Variants in CACHD1 observed in about 807,000 individuals in gnomAD.
The protein encoded by CACHD1 is VWFA and cache domain-containing protein 1.
A neutral mutation model predicts 138.7 loss-of-function variants in CACHD1; 71 were observed. The observed-to-expected ratio is 0.51, with a 90% CI of 0.42 to 0.62. CACHD1 has a LOEUF of 0.62. Ranked by LOEUF, CACHD1 falls within the 20% of genes least tolerant of loss-of-function variation. CACHD1 has a pLI of 0.00. For missense variants in CACHD1, 1,389 were observed against 1,625.3 expected, an observed-to-expected ratio of 0.85 and a Z score of 2.50; for synonymous variants, 578 against 591.5, an observed-to-expected ratio of 0.98 and a Z score of 0.33.
chr1:64,685,015 G>T (rs779415451), intron 26 of CACHD1, among the ~76,000 whole-genome samples: 8 of 152,068 alleles, frequency 5.3e-5, no homozygotes, highest in Non-Finnish European at 1.0e-4. Context: ...TTCCATGTTG[G>T]TCAGGCTGGT....
intron 1 of CACHD1, among the ~76,000 whole-genome samples, chr1:64,486,769 C>T (rs57712220): frequency 0.065 from 9,899 of 152,196 alleles, 835 homozygotes; most frequent in African/African-American, 0.2. Flanking sequence ...TGGGAGCACA[C>T]TGATGGATAG....
chr1:64,674,225 T>A (rs1453871341), intron 19 of CACHD1, among the ~76,000 whole-genome samples: 1 of 152,174 alleles, frequency 6.6e-6, no homozygotes, highest in African/African-American at 2.4e-5. Flanking sequence ...AAAAGAGTAG[T>A]TTAAAACATG....
chr1:64,616,950 A>G (rs1647730001), intron 4 of CACHD1, among the ~76,000 whole-genome samples: 2 of 152,046 alleles, frequency 1.3e-5, no homozygotes, highest in Admixed American at 1.3e-4. Context: ...GATTACTGAT[A>G]ACTTAGGATA....
chr1:64,628,211 A>G (rs1648179666), intron 4 of CACHD1, among the ~76,000 whole-genome samples: 1 of 152,342 alleles, frequency 6.6e-6, no homozygotes, highest in Admixed American at 6.5e-5. Flanking sequence ...ATGGGTGTTT[A>G]AAGCTTAATG....
chr1:64,492,847 G>C (rs918564277), intron 1 of CACHD1, among the ~76,000 whole-genome samples: 1 of 152,216 alleles, frequency 6.6e-6, no homozygotes, highest in African/African-American at 2.4e-5. Flanking sequence ...ATTCAGCTCT[G>C]ACATAGCCTT....
chr1:64,576,935 A>G (rs537683135), intron 2 of CACHD1, among the ~76,000 whole-genome samples: 6 of 151,080 alleles, frequency 4.0e-5, no homozygotes, highest in Non-Finnish European at 7.4e-5. Flanking sequence ...TCTTTATAAC[A>G]AATTTGATCA....
intron 2 of CACHD1, among the ~76,000 whole-genome samples, chr1:64,561,914 T>C (rs1646843173): frequency 1.0e-5 from 1 of 96,616 alleles, no homozygotes; most frequent in Admixed American, 1.3e-4. Context: ...ATATTTTTGC[T>C]TTAGATAGAA....
At chr1:64,533,212 CG>C (rs1307427261) in intron 1 of CACHD1, among the ~76,000 whole-genome samples, 1 of 152,100 alleles carries the variant, frequency 6.6e-6, no homozygotes, top group Non-Finnish European at 1.5e-5. Flanking sequence ...AGAAATTAGC[CG>C]GGCGTGGTGG....
rs777014198 is a variant in CACHD1 at position 64,663,735 on chromosome 1, C to G, written c.1992C>G (p.Ser664=). ...TGCTGTCTGCTGGCAGCTTTTCCTC[C>G]CCCTATGAGCACCTCAGCCAGCCAG... ...TIMLSAGSFS[S]PYEHLSQPET... The change falls in exon 14 of 27, where the codon TCC becomes TCG. Residue 664 remains serine, a synonymous_variant. Coordinates refer to ENST00000651257, the MANE Select transcript of CACHD1 (RefSeq NM_020925.4). 1.2e-5 allele frequency: 20 copies of G among 1,613,928 alleles called. No homozygotes were observed. In the Admixed American group the frequency reaches 2.8e-4, roughly 23 times the overall value.
intron 2 of CACHD1, among the ~76,000 whole-genome samples, chr1:64,580,849 A>T (rs1469624360): frequency 6.6e-6 from 1 of 152,162 alleles, no homozygotes; most frequent in Non-Finnish European, 1.5e-5. Context: ...AGGGTGGCAA[A>T]ACCAACAGTT....
intron 19 of CACHD1, 65 bp downstream of exon 19, chr1:64,673,529 C>G: frequency 8.0e-7 from 1 of 1,243,528 alleles, no homozygotes; most frequent in Middle Eastern, 1.9e-4. Flanking sequence ...GAATTGGAAT[C>G]ATGGCTAGTG....
chr1:64,594,289 G>A (rs1036646131), intron 3 of CACHD1, among the ~76,000 whole-genome samples: 1 of 151,880 alleles, frequency 6.6e-6, no homozygotes, highest in Non-Finnish European at 1.5e-5. Context: ...GTTATGGCAG[G>A]ACTTACTGGA....
At chr1:64,682,899 CT>C (rs34723423) in intron 26 of CACHD1, among the ~76,000 whole-genome samples, 74,471 of 147,216 alleles carry the variant, frequency 0.51, 22,610 homozygotes, top group African/African-American at 0.85. Context: ...ATTGTAAAAT[CT>C]TTTTTTTTTT....
intron 24 of CACHD1, among the ~76,000 whole-genome samples, chr1:64,680,154 AGT>A (rs1174967272): frequency 6.6e-6 from 1 of 152,222 alleles, no homozygotes; most frequent in African/African-American, 2.4e-5. Context: ...GCCATTATGT[AGT>A]GTGAATAAAC....
Position 64,537,696 on chromosome 1 carries a change from T to C in CACHD1, c.199-12898T>C, listed in dbSNP as rs307335. 8.3e-3 allele frequency among the ~76,000 whole-genome samples: 1,264 copies of C among 152,358 alleles called. 18 individuals are homozygous for C. The highest frequency in any genetic ancestry group is 0.029 in the African/African-American group (1,198 of 41,588). On this transcript the variant is annotated intron_variant, in intron 1 of 26. Transcript: ENST00000651257. Reference sequence around the variant, plus strand: ...ACCCAGGTAGTCCCAAATGACATTATTTCTATGAATACATGTTCTTTTTGA... The same window carrying C: ...ACCCAGGTAGTCCCAAATGACATTACTTCTATGAATACATGTTCTTTTTGA...
At position 64,671,700 on chromosome 1, in the gene CACHD1, G is replaced by T. The variant is rs1348103588; in HGVS notation, c.2510+14G>T. Reference sequence around the variant, plus strand: ...CAACAAAATAAGGTAAGTGCTTTGGGGATGCTATTTCCTTTCTAGCTGCAG... The same window carrying T: ...CAACAAAATAAGGTAAGTGCTTTGGTGATGCTATTTCCTTTCTAGCTGCAG... On this transcript the variant is annotated intron_variant, in intron 17 of 26. Coordinates refer to ENST00000651257, the MANE Select transcript of CACHD1 (RefSeq NM_020925.4). The T allele has an allele frequency of 2.5e-6, 4 of 1,613,774 alleles. No individual in the cohort carries two copies. In the South Asian group the frequency reaches 3.3e-5, roughly 13 times the overall value.
intron 1 of CACHD1, among the ~76,000 whole-genome samples, chr1:64,523,963 A>ATTGT (rs1256378213): frequency 1.3e-5 from 2 of 152,000 alleles, no homozygotes; most frequent in African/African-American, 4.8e-5. Context: ...CTTGCATAGA[A>ATTGT]TTGTTATAGC....
chr1:64,478,741 G>C (rs1411820026), intron 1 of CACHD1, among the ~76,000 whole-genome samples: 1 of 152,112 alleles, frequency 6.6e-6, no homozygotes, highest in Non-Finnish European at 1.5e-5. Flanking sequence ...GTTTCTAGAG[G>C]TCAGTTCAAC....
rs1439666300 is a variant in CACHD1, at chr1:64,470,371, C to T, written c.-374C>T. 6.6e-6 allele frequency among the ~76,000 whole-genome samples: 1 copy of T among 151,704 alleles called. No individual in the cohort carries two copies. Among genetic ancestry groups the T allele is most frequent in the East Asian group, 2.0e-4 (1 of 5,066 alleles). ...CGCAGGAAGCGAGAGCCGCGCGGCT[C>T]GGCTCGGGCTCCGACTCCGACTCCG... is the stretch of plus-strand genomic sequence containing the variant. On this transcript the variant is annotated 5_prime_UTR_variant, in exon 1 of 27. Coordinates refer to ENST00000651257, the MANE Select transcript of CACHD1 (RefSeq NM_020925.4). The surrounding 1 kb of genome is among the most constrained non-coding windows in gnomAD (Gnocchi z 5.2).
Sources: gnomAD v4.1 joint callset for allele counts (sites outside exome capture counted in the v4.1 genomes callset) on GRCh38, gnomAD v4.1.1 for gene constraint, Gnocchi (gnomAD v3.1) non-coding constraint, MANE v1.5 for transcripts, NCBI Gene and HGNC (gene_info 2026-07-23, HGNC 2026-07-21) for gene names.